The following SPATA18 variants were observed in gnomAD, a reference collection of about 807,000 sequenced individuals.
SPATA18 encodes the protein spermatogenesis associated 18.
A neutral mutation model predicts 68.1 loss-of-function variants in SPATA18; 54 were observed. The ratio of observed to expected loss-of-function variants is 0.79; its 90% confidence interval spans 0.64 to 0.99. The LOEUF (loss-of-function observed/expected upper bound fraction) is 0.99. SPATA18 is among the 50% of genes least tolerant of loss of function. SPATA18 has a pLI of 0.00. For synonymous variants in SPATA18, 242 were observed against 244.8 expected (o/e 0.99, Z 0.11); for missense variants, 724 against 681.1 (o/e 1.06, Z -0.70).
chr4:52,094,742 T>A (rs3214049), intron 12 of SPATA18, 138 bp from the exon 13 acceptor site: 800,161 of 1,327,652 alleles, frequency 0.6, 253,878 homozygotes, highest in Non-Finnish European at 0.67. Context: ...GCAGGTCCCA[T>A]GGGTCATGTA....
chr4:52,052,196 ATT>A lies in SPATA18; in HGVS notation c.87+410_87+411del, dbSNP rs532107396. 3.7e-3 allele frequency among the ~76,000 whole-genome samples: 562 copies of A among 152,188 alleles called. 6 individuals are homozygous for A. The highest frequency in any genetic ancestry group is 0.014 in the Middle Eastern group (4 of 294). On this transcript the variant is annotated intron_variant, in intron 1 of 12. Transcript: ENST00000295213. ...CCGCCTGCTTCCCCAATCCCGAATTATTTTTTACTACAACCCTCTCCTGCCCA... is the reference window on the plus strand; with the variant it reads ...CCGCCTGCTTCCCCAATCCCGAATTATTTTACTACAACCCTCTCCTGCCCA...
At chr4:52,089,928 G>T (rs1329159112) in intron 11 of SPATA18, among the ~76,000 whole-genome samples, 2 of 152,160 alleles carry the variant, frequency 1.3e-5, no homozygotes, top group Non-Finnish European at 1.5e-5. Flanking sequence ...AAGTCTCTTT[G>T]TAGGTCTCTA....
chr4:52,074,454 C>T (rs1404442027), intron 6 of SPATA18, among the ~76,000 whole-genome samples: 1 of 152,008 alleles, frequency 6.6e-6, no homozygotes, highest in African/African-American at 2.4e-5. Context: ...GAGTGGGGGG[C>T]GCAGCGGTGG....
At chr4:52,081,265 C>T (rs1192108457) in intron 9 of SPATA18, among the ~76,000 whole-genome samples, 2 of 152,222 alleles carry the variant, frequency 1.3e-5, no homozygotes, top group Non-Finnish European at 2.9e-5. Context: ...GCTTCTAGGG[C>T]ATTCTCTGGC....
chr4:52,055,280 C>T (rs574921792), intron 1 of SPATA18, among the ~76,000 whole-genome samples: 13 of 152,292 alleles, frequency 8.5e-5, no homozygotes, highest in South Asian at 2.1e-4. Context: ...ACACTTATAA[C>T]GTGGAAACTT....
At chr4:52,085,029 A>C in intron 11 of SPATA18, 30 bp downstream of exon 11, 1 of 1,547,234 alleles carries the variant, frequency 6.5e-7, no homozygotes, top group South Asian at 1.2e-5. Flanking sequence ...TTTTTACACA[A>C]AATTCATCTA....
At chr4:52,080,565 G>A (rs921987879) in intron 9 of SPATA18, among the ~76,000 whole-genome samples, 1 of 152,120 alleles carries the variant, frequency 6.6e-6, no homozygotes, top group Non-Finnish European at 1.5e-5. Context: ...GATTATCTGG[G>A]AAGAAATCAA....
In SPATA18 at chr4:52,082,043, A is replaced by G. The variant is rs148273004; in HGVS notation, c.1356-344A>G. On this transcript the variant is annotated intron_variant, in intron 9 of 12. Coordinates refer to ENST00000295213, the MANE Select transcript of SPATA18 (RefSeq NM_145263.4). ...TTAATCATCCTCCTATATTTCTTTT[A>G]TTTTGTCCACAAAGACAGCATGAAA... Among the ~76,000 whole-genome samples the G allele has an allele frequency of 6.6e-5, 10 of 152,010 alleles. No individual in the cohort carries two copies. The East Asian group carries it at 1.0e-3, about 15-fold the overall frequency.
At chr4:52,080,321 G>A (rs1202371962) in intron 9 of SPATA18, among the ~76,000 whole-genome samples, 2 of 152,122 alleles carry the variant, frequency 1.3e-5, no homozygotes, top group East Asian at 3.8e-4. Context: ...TACATTTTCT[G>A]ACATTTTATG....
chr4:52,074,937 C>G (rs757065352), intron 6 of SPATA18, among the ~76,000 whole-genome samples: 2 of 152,146 alleles, frequency 1.3e-5, no homozygotes, highest in Admixed American at 6.5e-5. Context: ...AAGACAGGAG[C>G]CTGGAAGGAC....
At chr4:52,075,863 C>A (rs1220407323) in intron 6 of SPATA18, among the ~76,000 whole-genome samples, 1 of 152,166 alleles carries the variant, frequency 6.6e-6, no homozygotes, top group African/African-American at 2.4e-5. Flanking sequence ...ATATGCGTGA[C>A]CTTTCTTCAT....
At chr4:52,062,186 G>GTTTTTTTTTT (rs34989037) in intron 3 of SPATA18, 34 bp from the exon 4 acceptor site, 1 of 732,042 alleles carries the variant, frequency 1.4e-6, no homozygotes, top group East Asian at 3.5e-5. Flanking sequence ...TATTCAGACT[G>GTTTTTTTTTT]TTTTTTTTTT....
chr4:52,078,859 A>T lies in SPATA18; in HGVS notation c.1145A>T (p.His382Leu), dbSNP rs184420694. The part of the protein sequence containing the change: ...ENAVLDYVIC[H>L]LDLYDSQSSV... ...GCTGTCTTGGATTATGTCATTTGTC[A>T]TCTTGATCTATATGATTCTCAAAGC... The change falls in exon 8 of 13, where the codon CAT becomes CTT. Residue 382 changes from histidine (H) to leucine (L), a missense_variant. Transcript: ENST00000295213. The T allele has an allele frequency of 1.7e-5, 28 of 1,601,774 alleles. No homozygotes were observed. The highest frequency in any genetic ancestry group is 2.2e-5 in the Non-Finnish European group (26 of 1,169,850).
At chr4:52,077,842 AAT>A (rs1054621818) in intron 7 of SPATA18, among the ~76,000 whole-genome samples, 2 of 152,204 alleles carry the variant, frequency 1.3e-5, no homozygotes, top group African/African-American at 4.8e-5. Flanking sequence ...TTCCAAAACA[AAT>A]ATGTTTGTTC....
At chr4:52,094,237 CTTTAA>C (rs1275286040) in intron 11 of SPATA18, among the ~76,000 whole-genome samples, 1 of 152,104 alleles carries the variant, frequency 6.6e-6, no homozygotes, top group Non-Finnish European at 1.5e-5. Flanking sequence ...ATCATTTTAG[CTTTAA>C]TTTGTGAGTT....
rs1283936482 is a variant in SPATA18, at chr4:52,062,482, A to T, written c.422+150A>T. ...TGTGTGTGTCTGTGGGCATGTGTGT[A>T]TGACAGAGAGAGAGGGAGAGAGAGA... On this transcript the variant is annotated intron_variant, in intron 4 of 12. Transcript: ENST00000295213. The T allele has an allele frequency of 5.3e-5, 32 of 605,760 alleles. 1 individual carries two copies. In the South Asian group the frequency reaches 6.0e-4, roughly 11 times the overall value. 37.5% of individuals were successfully genotyped at this position (605,760 alleles called of 1,614,324 possible). A position where few individuals can be genotyped will look rare whatever the true frequency, so the allele number is the denominator to read the frequency against.
chr4:52,077,683 A>G (rs1344511116), intron 7 of SPATA18, among the ~76,000 whole-genome samples: 1 of 152,124 alleles, frequency 6.6e-6, no homozygotes, highest in Non-Finnish European at 1.5e-5. Context: ...AATGGCTGTC[A>G]TTTGGTTTAC....
intron 12 of SPATA18, 47 bp downstream of exon 12, chr4:52,094,619 C>A (rs1385014140): frequency 6.4e-7 from 1 of 1,569,098 alleles, no homozygotes; most frequent in Admixed American, 1.7e-5. Context: ...CTTTTTAATA[C>A]TCCTTCTAGT....
intron 9 of SPATA18, 107 bp downstream of exon 9, chr4:52,080,026 G>A: frequency 8.2e-7 from 1 of 1,214,950 alleles, no homozygotes; most frequent in Non-Finnish European, 1.1e-6. Flanking sequence ...GAAATTAACA[G>A]ACACTACCTG....
Sources: gnomAD v4.1 joint callset for allele counts (sites outside exome capture counted in the v4.1 genomes callset) on GRCh38, gnomAD v4.1.1 for gene constraint, MANE v1.5 for transcripts, NCBI Gene and HGNC (gene_info 2026-07-23, HGNC 2026-07-21) for gene names.